Variants in PRKCH observed in about 807,000 individuals in gnomAD.
PRKCH encodes protein kinase C eta, also known as protein kinase C eta type.
In PRKCH, 28 loss-of-function variants were observed where a neutral mutation model predicts 82.5. That is an observed-to-expected ratio of 0.34 (90% CI 0.25 to 0.47). The LOEUF (loss-of-function observed/expected upper bound fraction) is 0.47. Among genes scored for constraint, PRKCH ranks in the 20% least tolerant of loss-of-function variants. PRKCH has a pLI of 1.00. For synonymous variants in PRKCH, 322 were observed against 327.4 expected (o/e 0.98, Z 0.18); for missense variants, 705 against 881.8 (o/e 0.80, Z 2.54).
intron 1 of PRKCH, among the ~76,000 whole-genome samples, chr14:61,381,109 A>C (rs966247322): frequency 2.6e-5 from 4 of 152,162 alleles, no homozygotes; most frequent in Non-Finnish European, 5.9e-5. Context: ...GGAACCTTAG[A>C]ATATCAGATA....
chr14:61,478,595 G>T (rs1207875268), intron 9 of PRKCH, among the ~76,000 whole-genome samples: 13 of 152,170 alleles, frequency 8.5e-5, no homozygotes, highest in African/African-American at 3.1e-4. Flanking sequence ...TGTGTGCCAT[G>T]CATGGTTGCT....
chr14:61,428,921 T>G (rs1430667471), intron 2 of PRKCH, among the ~76,000 whole-genome samples: 1 of 152,212 alleles, frequency 6.6e-6, no homozygotes, highest in Non-Finnish European at 1.5e-5. Flanking sequence ...GAGCAAGATA[T>G]GTGTAACTAT....
At chr14:61,413,212 G>A (rs969925646) in intron 2 of PRKCH, among the ~76,000 whole-genome samples, 4 of 151,972 alleles carry the variant, frequency 2.6e-5, no homozygotes, top group Non-Finnish European at 5.9e-5. Context: ...ATTACAAAGT[G>A]TACCTCTCCT....
intron 10 of PRKCH, among the ~76,000 whole-genome samples, chr14:61,510,587 A>G (rs776705110): frequency 3.9e-5 from 6 of 152,262 alleles, no homozygotes; most frequent in Middle Eastern, 3.4e-3. Flanking sequence ...GTGTTTAAAG[A>G]AACACTTCTG....
intron 1 of PRKCH, among the ~76,000 whole-genome samples, chr14:61,237,710 A>G (rs1488276823): frequency 1.3e-5 from 2 of 151,938 alleles, no homozygotes; most frequent in East Asian, 3.9e-4. Context: ...CCCAACCCTT[A>G]CCTCCAGTTG....
At chr14:61,331,839 C>A (rs142220319) in intron 1 of PRKCH, among the ~76,000 whole-genome samples, 1 of 152,200 alleles carries the variant, frequency 6.6e-6, no homozygotes, top group Non-Finnish European at 1.5e-5. Context: ...AAGTTAGTAA[C>A]TCCTAAGAAT....
intron 10 of PRKCH, among the ~76,000 whole-genome samples, chr14:61,517,100 C>G (rs189761613): frequency 6.6e-6 from 1 of 152,244 alleles, no homozygotes; most frequent in Non-Finnish European, 1.5e-5. Context: ...GGCTGCCTCC[C>G]CTCTGATACT....
chr14:61,420,450 C>T (rs993796855), intron 2 of PRKCH, among the ~76,000 whole-genome samples: 6 of 152,150 alleles, frequency 3.9e-5, no homozygotes, highest in African/African-American at 1.4e-4. Flanking sequence ...CCCTCACCTG[C>T]GGGGAGACGC....
At chr14:61,480,972 G>A (rs1450976559) in intron 9 of PRKCH, among the ~76,000 whole-genome samples, 1 of 152,020 alleles carries the variant, frequency 6.6e-6, no homozygotes, top group Non-Finnish European at 1.5e-5. Flanking sequence ...CTAGGCTGGG[G>A]AATTGACTCC....
intron 2 of PRKCH, among the ~76,000 whole-genome samples, chr14:61,419,484 A>G (rs891096735): frequency 9.2e-5 from 14 of 152,230 alleles, no homozygotes; most frequent in African/African-American, 3.4e-4. Flanking sequence ...AGTGGCACCC[A>G]CATTCTCTAG....
intron 10 of PRKCH, among the ~76,000 whole-genome samples, chr14:61,506,558 T>C (rs537213369): frequency 2.0e-5 from 3 of 152,246 alleles, no homozygotes; most frequent in African/African-American, 7.2e-5. Flanking sequence ...CCCCTCCCCC[T>C]ACCACTCTTC....
intron 9 of PRKCH, among the ~76,000 whole-genome samples, chr14:61,469,728 T>C (rs1390366893): frequency 6.6e-6 from 1 of 152,170 alleles, no homozygotes; most frequent in Non-Finnish European, 1.5e-5. Flanking sequence ...CTCTTCTAGG[T>C]CCGGAATTAT....
intron 7 of PRKCH, among the ~76,000 whole-genome samples, chr14:61,454,707 G>A (rs899519201): frequency 6.6e-6 from 1 of 152,160 alleles, no homozygotes; most frequent in Non-Finnish European, 1.5e-5. Flanking sequence ...CAGTTGCAGT[G>A]CACATGTTTT....
chr14:61,428,076 T>TAGATAGATAGATATAC (rs377250538), intron 2 of PRKCH, among the ~76,000 whole-genome samples: 1 of 126,206 alleles, frequency 7.9e-6, no homozygotes, highest in East Asian at 2.4e-4. Flanking sequence ...GATAGATAGA[T>TAGATAGATAGATATAC]ACACACACAC....
chr14:61,481,848 T>A (rs1247827999), intron 9 of PRKCH, among the ~76,000 whole-genome samples: 1 of 152,184 alleles, frequency 6.6e-6, no homozygotes, highest in African/African-American at 2.4e-5. Flanking sequence ...GCACAAGCAT[T>A]GGCAGCTTCA....
At chr14:61,335,440 A>G (rs550307738) in intron 1 of PRKCH, among the ~76,000 whole-genome samples, 2 of 152,328 alleles carry the variant, frequency 1.3e-5, no homozygotes, top group African/African-American at 4.8e-5. Context: ...ATTGCATTGT[A>G]GTGGTATAAC....
At chr14:61,370,525 A>G (rs2046352352) in intron 1 of PRKCH, among the ~76,000 whole-genome samples, 1 of 152,084 alleles carries the variant, frequency 6.6e-6, no homozygotes, top group South Asian at 2.1e-4. Context: ...CCCAATCTGT[A>G]TTAAACCTGC....
At chr14:61,542,250 C>T (rs1352090039) in intron 12 of PRKCH, among the ~76,000 whole-genome samples, 3 of 151,622 alleles carry the variant, frequency 2.0e-5, no homozygotes, top group African/African-American at 7.3e-5. Context: ...AAATTGTGCA[C>T]CATTGCACTC....
At chr14:61,369,610 A>G (rs2046340533) in intron 1 of PRKCH, among the ~76,000 whole-genome samples, 2 of 152,148 alleles carry the variant, frequency 1.3e-5, no homozygotes, top group South Asian at 4.1e-4. Flanking sequence ...AAGTTCCTGT[A>G]TACTGACTGT....
Sources: allele counts gnomAD v4.1 joint callset (sites outside exome capture counted in the v4.1 genomes callset), GRCh38; gene constraint gnomAD v4.1.1; transcripts MANE v1.5; gene names NCBI Gene and HGNC (gene_info 2026-07-23, HGNC 2026-07-21).